The following NFIC variants were observed in gnomAD, a reference collection of about 807,000 sequenced individuals.
The protein encoded by NFIC is nuclear factor 1 C-type.
Under a neutral mutation model 54.4 loss-of-function variants are expected in NFIC, and 12 were observed. The ratio of observed to expected loss-of-function variants is 0.22; its 90% CI spans 0.14 to 0.36. The LOEUF (loss-of-function observed/expected upper bound fraction) is 0.36. NFIC is among the 10% of genes least tolerant of loss of function. The pLI is 1.00. For synonymous variants in NFIC, 322 were observed against 319.2 expected (o/e 1.01, Z -0.09); for missense variants, 575 against 718.2 (o/e 0.80, Z 2.28).
intron 2 of NFIC, among the ~76,000 whole-genome samples, chr19:3,399,407 A>G (rs891746499): frequency 1.3e-5 from 2 of 151,354 alleles, no homozygotes; most frequent in African/African-American, 2.4e-5. Flanking sequence ...TGAGATGCCC[A>G]TCTCTACAAA....
intron 6 of NFIC, among the ~76,000 whole-genome samples, chr19:3,442,380 C>CTTTTTTTTTTTT (rs10622379): frequency 7.5e-6 from 1 of 132,648 alleles, no homozygotes; most frequent in Admixed American, 8.1e-5. Flanking sequence ...CTTCCCATCC[C>CTTTTTTTTTTTT]TTTTTTTTTT....
chr19:3,467,763 A>ATG lies in NFIC; in HGVS notation c.*4995_*4996insGT. On this transcript the variant is annotated 3_prime_UTR_variant, in exon 11 of 11. Transcript: ENST00000443272. ...CAGTGTAGGGCTATACTATACATAT[A>ATG]TATATATATATATATATATATATAT... is the stretch of plus-strand genomic sequence containing the variant. 1 of 120,362 alleles carries ATG rather than the reference A, an allele frequency of 8.3e-6. No individual in the cohort carries two copies. The highest frequency in any genetic ancestry group is 3.4e-5 in the African/African-American group (1 of 29,260). 7.5% of individuals were successfully genotyped at this position (120,362 alleles called of 1,614,324 possible).
chr19:3,421,156 G>T (rs1444638066), intron 2 of NFIC, among the ~76,000 whole-genome samples: 1 of 152,238 alleles, frequency 6.6e-6, no homozygotes, highest in Non-Finnish European at 1.5e-5. Context: ...TGCCCGATTC[G>T]CAAGCTCATG....
rs2082688626 is a variant in NFIC, at chr19:3,464,445, A to G, written c.*1676A>G. On this transcript the variant is annotated 3_prime_UTR_variant, in exon 11 of 11. Coordinates refer to ENST00000443272, the MANE Select transcript of NFIC (RefSeq NM_001245002.2). ...TCCACACCTCCACCCCCACCCCAGGATCGCCATCTTTAGGGGAGGCCTGGG... is the reference window on the plus strand; with the variant it reads ...TCCACACCTCCACCCCCACCCCAGGGTCGCCATCTTTAGGGGAGGCCTGGG... The G allele has an allele frequency of 6.1e-6, 6 of 977,342 alleles. 1 individual carries two copies. The South Asian group carries it at 2.9e-4, about 47-fold the overall frequency. 60.5% of individuals were successfully genotyped at this position (977,342 alleles called of 1,614,324 possible).
chr19:3,386,572 C>T (rs1599590164), intron 2 of NFIC, among the ~76,000 whole-genome samples: 2 of 152,140 alleles, frequency 1.3e-5, no homozygotes, highest in Middle Eastern at 6.8e-3. Context: ...ATCCGCCCTC[C>T]TCGGCCTCCC....
chr19:3,399,478 C>T (rs565321331), intron 2 of NFIC, among the ~76,000 whole-genome samples: 2 of 152,178 alleles, frequency 1.3e-5, no homozygotes, highest in African/African-American at 4.8e-5. Flanking sequence ...CGAGAGGTCG[C>T]GGCAGGAGGA....
chr19:3,388,916 A>G (rs985739460), intron 2 of NFIC, among the ~76,000 whole-genome samples: 1 of 151,774 alleles, frequency 6.6e-6, no homozygotes, highest in Non-Finnish European at 1.5e-5. Flanking sequence ...GAGGCAGGAG[A>G]GTCGCTTGAA....
chr19:3,400,022 A>T (rs112560474), intron 2 of NFIC, among the ~76,000 whole-genome samples: 1 of 152,038 alleles, frequency 6.6e-6, no homozygotes, highest in African/African-American at 2.4e-5. Context: ...CTGTCTCAAA[A>T]ATTTTTGAAA....
intron 2 of NFIC, among the ~76,000 whole-genome samples, chr19:3,405,146 C>G (rs1389117388): frequency 6.6e-6 from 1 of 152,202 alleles, no homozygotes; most frequent in Non-Finnish European, 1.5e-5. Context: ...CCCAGGCGGC[C>G]CGGCGGCAGG....
rs984483615 is a variant in NFIC at position 3,453,266 on chromosome 19, G to C, written c.1270-497G>C. Among the ~76,000 whole-genome samples the C allele has an allele frequency of 2.0e-5, 3 of 152,116 alleles. No homozygotes were observed. Among genetic ancestry groups the C allele is most frequent in the Non-Finnish European group, 2.9e-5 (2 of 67,978 alleles). On this transcript the variant is annotated intron_variant, in intron 8 of 10. Coordinates refer to ENST00000443272, the MANE Select transcript of NFIC (RefSeq NM_001245002.2). The surrounding 1 kb of genome is among the most constrained non-coding windows in gnomAD (Gnocchi z 6.7). The stretch of plus-strand genomic sequence containing the variant: ...AAAGAAAAAAAAGGTTGGGGGGCGG[G>C]GGGCAGGAAGACATTGATTACAAAA...
At chr19:3,382,709 G>A (rs932899984) in intron 2 of NFIC, among the ~76,000 whole-genome samples, 5 of 151,724 alleles carry the variant, frequency 3.3e-5, no homozygotes, top group Non-Finnish European at 5.9e-5. Context: ...CGGGTGACAC[G>A]GGGCAAGGAG....
rs974214150 is a variant in NFIC, at chr19:3,452,135, G to C, written c.1085-347G>C. On this transcript the variant is annotated intron_variant, in intron 7 of 10. Transcript: ENST00000443272. This position sits in a 1 kb window ranked among gnomAD's most constrained non-coding sequence, Gnocchi z 5.3. ...AAAAAAAAAAAAAAGACCAGGCTCA[G>C]TGGGTTACACCTGTAATCCCCGCAC... is the stretch of plus-strand genomic sequence containing the variant. 2.0e-5 allele frequency among the ~76,000 whole-genome samples: 3 copies of C among 150,288 alleles called. No individual in the cohort carries two copies. The highest frequency in any genetic ancestry group is 4.4e-5 in the Non-Finnish European group (3 of 67,794).
intron 2 of NFIC, among the ~76,000 whole-genome samples, chr19:3,409,609 C>T (rs910963648): frequency 6.9e-6 from 1 of 144,800 alleles, no homozygotes; most frequent in African/African-American, 2.5e-5. Flanking sequence ...CTTCAGCCAG[C>T]GGACGCAGGG....
At chr19:3,366,818 G>A in intron 1 of NFIC, 152 bp downstream of exon 1, 1 of 527,584 alleles carries the variant, frequency 1.9e-6, no homozygotes, top group Non-Finnish European at 3.2e-6. Context: ...GCTGGGGTCC[G>A]GTGGGGGGAT....
At chr19:3,384,433 G>C (rs2081261314) in intron 2 of NFIC, among the ~76,000 whole-genome samples, 4 of 148,230 alleles carry the variant, frequency 2.7e-5, no homozygotes, top group Admixed American at 2.0e-4. Context: ...CTGTTCCCCG[G>C]GCTGGAGTCC....
chr19:3,381,251 T>C (rs2081201406), intron 1 of NFIC, among the ~76,000 whole-genome samples: 5 of 151,816 alleles, frequency 3.3e-5, no homozygotes, highest in Admixed American at 2.6e-4. Flanking sequence ...AAAAATTAGC[T>C]GGGCGTGGTG....
intron 7 of NFIC, 142 bp downstream of exon 7, chr19:3,449,281 G>T (rs994126564): frequency 2.9e-5 from 38 of 1,315,874 alleles, no homozygotes; most frequent in Non-Finnish European, 3.6e-5. Flanking sequence ...TAGAGGTGCC[G>T]TAGTGGAGAG....
chr19:3,429,154 C>CACAG (rs1180838618), intron 3 of NFIC, among the ~76,000 whole-genome samples: 3 of 133,096 alleles, frequency 2.3e-5, no homozygotes, highest in Non-Finnish European at 4.7e-5. Flanking sequence ...CACACACACA[C>CACAG]ACACACACAC....
At chr19:3,404,448 C>A (rs960204677) in intron 2 of NFIC, among the ~76,000 whole-genome samples, 21 of 152,136 alleles carry the variant, frequency 1.4e-4, no homozygotes, top group Non-Finnish European at 2.6e-4. Flanking sequence ...CCTGGGTGGC[C>A]GTGCGCGGGT....
Sources: allele counts gnomAD v4.1 joint callset (sites outside exome capture counted in the v4.1 genomes callset), GRCh38; gene constraint gnomAD v4.1.1; non-coding constraint Gnocchi (gnomAD v3.1); transcripts MANE v1.5; gene names NCBI Gene and HGNC (gene_info 2026-07-23, HGNC 2026-07-21).